Variants in JAKMIP2 observed in about 807,000 individuals in gnomAD.
JAKMIP2 encodes janus kinase and microtubule interacting protein 2.
JAKMIP2 carries 25 observed loss-of-function variants against 115.0 expected under a neutral mutation model. That is an observed-to-expected ratio of 0.22 (90% confidence interval 0.16 to 0.30). The LOEUF (loss-of-function observed/expected upper bound fraction) is 0.30. Ranked by LOEUF, JAKMIP2 falls within the 10% of genes least tolerant of loss-of-function variation. JAKMIP2 has a pLI of 1.00. For missense variants in JAKMIP2, 642 were observed against 957.6 expected (o/e 0.67, Z 4.35); for synonymous variants, 334 against 343.6 (o/e 0.97, Z 0.31).
intron 1 of JAKMIP2, among the ~76,000 whole-genome samples, chr5:147,677,076 G>C (rs189187316): frequency 2.2e-3 from 342 of 152,278 alleles, no homozygotes; most frequent in Non-Finnish European, 3.9e-3. Flanking sequence ...TTCCACCTCT[G>C]CCTTTAGTAG....
rs1758940886 is a variant in JAKMIP2, at chr5:147,661,093, G to A, written c.482C>T (p.Thr161Met). ...AGCCTCGTCCACCTGCTTCTTGGCC[G>A]TTTTCAGGTCCGCAATTTCCTGTAA... ...KLLQEIADLK[T>M]AKKQVDEALS... Residue 161 changes from threonine to methionine, a missense_variant, in exon 3 of 22, where the codon ACG becomes ATG. Coordinates refer to ENST00000616793, the MANE Select transcript of JAKMIP2 (RefSeq NM_001270941.2). The A allele has an allele frequency of 1.9e-6, 3 of 1,613,778 alleles. No homozygotes were observed. The highest frequency in any genetic ancestry group is 1.3e-5 in the African/African-American group (1 of 74,806).
chr5:147,711,581 A>G (rs945976793), intron 1 of JAKMIP2, among the ~76,000 whole-genome samples: 1 of 152,254 alleles, frequency 6.6e-6, no homozygotes, highest in Non-Finnish European at 1.5e-5. Flanking sequence ...CGATAAAAAC[A>G]GAATAGTGTC....
chr5:147,619,391 C>CT (rs887546375), intron 18 of JAKMIP2, among the ~76,000 whole-genome samples: 3 of 152,126 alleles, frequency 2.0e-5, no homozygotes, highest in African/African-American at 7.2e-5. Context: ...CCATTCTCTT[C>CT]TTTCCCCATC....
chr5:147,716,980 T>C (rs1297276469), intron 1 of JAKMIP2, among the ~76,000 whole-genome samples: 3 of 140,654 alleles, frequency 2.1e-5, no homozygotes, highest in African/African-American at 8.0e-5. Flanking sequence ...TGGTTTTAGG[T>C]CTAACGTTTA....
At chr5:147,709,678 G>A (rs562944131) in intron 1 of JAKMIP2, among the ~76,000 whole-genome samples, 12 of 151,954 alleles carry the variant, frequency 7.9e-5, no homozygotes, top group South Asian at 2.1e-4. Flanking sequence ...GTGAAACCCC[G>A]TCTCTACTAA....
At chr5:147,702,650 AAG>A (rs1252634568) in intron 1 of JAKMIP2, among the ~76,000 whole-genome samples, 7 of 111,996 alleles carry the variant, frequency 6.3e-5, no homozygotes, top group Non-Finnish European at 1.1e-4. Flanking sequence ...GAAAGAAAGA[AAG>A]AAAGAAAGAA....
Position 147,697,583 on chromosome 5 carries a change from C to T in JAKMIP2, c.-148-25629G>A, listed in dbSNP as rs79868583. Among the ~76,000 whole-genome samples, 31 of 152,318 alleles carry T rather than the reference C, an allele frequency of 2.0e-4. 1 individual carries two copies. The East Asian group carries it at 5.8e-3, about 29-fold the overall frequency. On this transcript the variant is annotated intron_variant, in intron 1 of 21. Coordinates refer to ENST00000616793, the MANE Select transcript of JAKMIP2 (RefSeq NM_001270941.2). ...TACATAGGTTGGGTCTAGGGCCACC[C>T]TGCTGTGTGCAGCCTGGGGACTTGG...
At chr5:147,677,908 A>T (rs1423414314) in intron 1 of JAKMIP2, among the ~76,000 whole-genome samples, 1 of 152,176 alleles carries the variant, frequency 6.6e-6, no homozygotes, top group Non-Finnish European at 1.5e-5. Context: ...GTTATACAAC[A>T]GATCTCCATC....
At position 147,647,459 on chromosome 5, in the gene JAKMIP2, A is replaced by G. The variant is rs2126736456; in HGVS notation, c.936+917T>C. On this transcript the variant is annotated intron_variant, in intron 5 of 21. Coordinates refer to ENST00000616793, the MANE Select transcript of JAKMIP2 (RefSeq NM_001270941.2). ...AAGATATTTTAAATGCAAATGTACC[A>G]CAAGTGATGATAAAAAAAATCCTAA... 2.6e-5 allele frequency among the ~76,000 whole-genome samples: 4 copies of G among 152,286 alleles called. 1 individual carries two copies. In the Middle Eastern group the frequency reaches 0.014, roughly 518 times the overall value.
At chr5:147,730,085 A>G (rs942963543) in intron 1 of JAKMIP2, among the ~76,000 whole-genome samples, 1 of 152,220 alleles carries the variant, frequency 6.6e-6, no homozygotes, top group African/African-American at 2.4e-5. Flanking sequence ...TGTTCCTGGC[A>G]CATAGAAAAT....
In JAKMIP2 at chr5:147,589,444, C is replaced by T. The variant is rs1344157275; in HGVS notation, c.*2263G>A. ...CATGGGCAACAGAGCAAGACTCCAT[C>T]TCAAAAAAAAAAAAAAAAAAGAATA... On this transcript the variant is annotated 3_prime_UTR_variant, in exon 22 of 22. Coordinates refer to ENST00000616793, the MANE Select transcript of JAKMIP2 (RefSeq NM_001270941.2). The T allele has an allele frequency of 4.3e-5, 1 of 23,268 alleles. No individual in the cohort carries two copies. The highest frequency in any genetic ancestry group is 1.6e-4 in the Non-Finnish European group (1 of 6,436). The allele number at this position is 23,268 out of a possible 1,614,324, so 1.4% of individuals were successfully genotyped here. A position where few individuals can be genotyped will look rare whatever the true frequency, so the allele number is the denominator to read the frequency against.
intron 1 of JAKMIP2, among the ~76,000 whole-genome samples, chr5:147,702,664 GA>G (rs1561547738): frequency 3.0e-5 from 3 of 101,108 alleles, no homozygotes; most frequent in African/African-American, 5.0e-5. Context: ...AAGAAAGAAA[GA>G]GAGAGAAAGA....
chr5:147,644,066 G>A lies in JAKMIP2; in HGVS notation c.1216C>T (p.Leu406Phe). The change falls in exon 7 of 22, where the codon CTC (leucine) becomes TTC (phenylalanine). Residue 406 changes from leucine to phenylalanine, a missense_variant. Physicochemically the swap from Leu to Phe is conservative, Grantham distance 22. Coordinates refer to ENST00000616793, the MANE Select transcript of JAKMIP2 (RefSeq NM_001270941.2). ...GATTGATTGACACGTACCCTTGTGA[G>A]CTCATCAATAATGTTCTGTTGCTCA... Reference protein sequence around the residue: ...VIEQQNIIDELTRDREKLIRR... With the variant: ...VIEQQNIIDEFTRDREKLIRR... The A allele has an allele frequency of 6.3e-7, 1 of 1,585,868 alleles. No individual in the cohort carries two copies. The highest frequency in any genetic ancestry group is 8.6e-7 in the Non-Finnish European group (1 of 1,161,104).
chr5:147,722,127 C>G (rs115346144), intron 1 of JAKMIP2, among the ~76,000 whole-genome samples: 2,007 of 152,220 alleles, frequency 0.013, 56 homozygotes, highest in African/African-American at 0.046. Context: ...TTCCTAAAGG[C>G]TCCTCCATAT....
At chr5:147,764,936 G>A (rs796901713) in intron 1 of JAKMIP2, among the ~76,000 whole-genome samples, 2,113 of 75,844 alleles carry the variant, frequency 0.028, 53 homozygotes, top group East Asian at 0.072. Context: ...GAGAGAGAGA[G>A]AGAGAGAGAG....
chr5:147,753,123 G>T (rs1273591938), intron 1 of JAKMIP2, among the ~76,000 whole-genome samples: 1 of 152,044 alleles, frequency 6.6e-6, no homozygotes, highest in Non-Finnish European at 1.5e-5. Flanking sequence ...CTCAAGGCAG[G>T]GACCATGCCT....
chr5:147,626,272 C>G (rs1757090005), intron 16 of JAKMIP2, among the ~76,000 whole-genome samples: 1 of 152,186 alleles, frequency 6.6e-6, no homozygotes. Flanking sequence ...TCATCTGGTT[C>G]CTAGCTTTCT....
chr5:147,679,718 G>A (rs896269492), intron 1 of JAKMIP2, among the ~76,000 whole-genome samples: 3 of 152,184 alleles, frequency 2.0e-5, no homozygotes, highest in African/African-American at 7.2e-5. Flanking sequence ...GGCTCAAAGA[G>A]GTTAATTAAC....
At chr5:147,702,600 G>GA (rs1752390035) in intron 1 of JAKMIP2, among the ~76,000 whole-genome samples, 2 of 102,228 alleles carry the variant, frequency 2.0e-5, no homozygotes, top group Non-Finnish European at 3.9e-5. Flanking sequence ...AAGAAAGAAA[G>GA]AAGGAAAGAA....
Sources: gnomAD v4.1 joint callset for allele counts (sites outside exome capture counted in the v4.1 genomes callset) on GRCh38, gnomAD v4.1.1 for gene constraint, MANE v1.5 for transcripts, NCBI Gene and HGNC (gene_info 2026-07-23, HGNC 2026-07-21) for gene names.